PTPRT: variants seen among roughly 807,000 people sequenced by gnomAD.
The protein encoded by PTPRT is receptor-type tyrosine-protein phosphatase T.
In PTPRT, 56 loss-of-function variants were observed where a neutral mutation model predicts 176.8. That is an observed-to-expected ratio of 0.32 (90% CI 0.26 to 0.40). The LOEUF is 0.40. Ranked by LOEUF, PTPRT falls within the 10% of genes least tolerant of loss-of-function variation. The pLI is 1.00. For synonymous variants in PTPRT, 783 were observed against 739.0 expected, an observed-to-expected ratio of 1.06 and a Z score of -0.96; for missense variants, 1,540 against 1,908.2, an observed-to-expected ratio of 0.81 and a Z score of 3.60.
chr20:42,568,445 C>T (rs748897284), intron 7 of PTPRT, among the ~76,000 whole-genome samples: 2 of 152,166 alleles, frequency 1.3e-5, no homozygotes, highest in Non-Finnish European at 2.9e-5. Flanking sequence ...TACCACTGCT[C>T]ACTTCGTAAG....
At chr20:42,098,301 C>G in intron 27 of PTPRT, 120 bp downstream of exon 27, 1 of 1,395,738 alleles carries the variant, frequency 7.2e-7, no homozygotes, top group Non-Finnish European at 9.8e-7. Flanking sequence ...CCAGACACTG[C>G]TTATTACAAG....
the PTPRT span, among the ~76,000 whole-genome samples, chr20:42,034,493 A>G: frequency 6.6e-6 from 1 of 152,190 alleles, no homozygotes; most frequent in Non-Finnish European, 1.5e-5. Context: ...GTCATGGTCC[A>G]TGCTTTCCTT....
At chr20:42,688,455 TCAC>T (rs2075736844) in intron 6 of PTPRT, 1 of 152,214 alleles carries the variant, frequency 6.6e-6, no homozygotes, top group African/African-American at 2.4e-5. Context: ...CCAGGTGTGG[TCAC>T]CACTTCCTGC....
chr20:42,327,451 G>A (rs2145422404), intron 11 of PTPRT, among the ~76,000 whole-genome samples: 1 of 152,176 alleles, frequency 6.6e-6, no homozygotes, highest in Non-Finnish European at 1.5e-5. Context: ...CCAGCATTAT[G>A]TCACTTTGAA....
In PTPRT at chr20:43,079,979, C is replaced by T. The variant is rs147785882; in HGVS notation, c.88+109667G>A. Among the ~76,000 whole-genome samples, 17 of 152,276 alleles carry T rather than the reference C, an allele frequency of 1.1e-4. No individual in the cohort carries two copies. In the East Asian group the frequency reaches 3.3e-3, roughly 29 times the overall value. ...AACTAACCATAATGTTTGCAGTAGGCTTTCGGAGAAAAGCCTTTATTAGAT... is the reference window on the plus strand; with the variant it reads ...AACTAACCATAATGTTTGCAGTAGGTTTTCGGAGAAAAGCCTTTATTAGAT... On this transcript the variant is annotated intron_variant, in intron 1 of 30. Coordinates refer to ENST00000373187, the MANE Select transcript of PTPRT (RefSeq NM_007050.6).
intron 16 of PTPRT, among the ~76,000 whole-genome samples, chr20:42,169,753 CACACA>C: frequency 7.7e-6 from 1 of 130,632 alleles, no homozygotes. Flanking sequence ...AACACACACA[CACACA>C]CACACACACA....
At chr20:42,974,266 T>C (rs1201231933) in intron 1 of PTPRT, among the ~76,000 whole-genome samples, 1 of 152,104 alleles carries the variant, frequency 6.6e-6, no homozygotes, top group Admixed American at 6.5e-5. Flanking sequence ...CCATCTGAAC[T>C]CCCCAACAAC....
intron 7 of PTPRT, among the ~76,000 whole-genome samples, chr20:42,528,149 C>T (rs1036205150): frequency 1.3e-4 from 20 of 152,090 alleles, no homozygotes; most frequent in African/African-American, 3.6e-4. Context: ...TTCCAGCTCT[C>T]GGGTGTTTGC....
intron 13 of PTPRT, among the ~76,000 whole-genome samples, chr20:42,249,171 T>C (rs979594738): frequency 1.1e-4 from 16 of 152,184 alleles, no homozygotes; most frequent in African/African-American, 3.9e-4. Flanking sequence ...GATCAAACCA[T>C]GGAACACTGG....
At chr20:42,264,374 T>G (rs2146974794) in intron 13 of PTPRT, among the ~76,000 whole-genome samples, 1 of 152,306 alleles carries the variant, frequency 6.6e-6, no homozygotes, top group Non-Finnish European at 1.5e-5. Context: ...TCTGTCAAGC[T>G]TTGAGCATCT....
intron 9 of PTPRT, among the ~76,000 whole-genome samples, chr20:42,435,242 C>T (rs1332082500): frequency 6.6e-6 from 1 of 151,926 alleles, no homozygotes; most frequent in Non-Finnish European, 1.5e-5. Flanking sequence ...TTGGCACTTA[C>T]AATATAAGGC....
At chr20:43,086,196 T>C (rs1301514233) in intron 1 of PTPRT, among the ~76,000 whole-genome samples, 2 of 152,160 alleles carry the variant, frequency 1.3e-5, no homozygotes, top group Admixed American at 6.5e-5. Context: ...TAGACAGGCA[T>C]ACAAGGGCCA....
At chr20:42,470,228 A>G (rs1374732310) in intron 8 of PTPRT, among the ~76,000 whole-genome samples, 4 of 152,098 alleles carry the variant, frequency 2.6e-5, no homozygotes, top group African/African-American at 9.7e-5. Flanking sequence ...CAGAGAGACA[A>G]AAGTTACTGA....
At chr20:42,438,280 T>A (rs2059280976) in intron 9 of PTPRT, among the ~76,000 whole-genome samples, 1 of 152,234 alleles carries the variant, frequency 6.6e-6, no homozygotes, top group African/African-American at 2.4e-5. Flanking sequence ...GGGAGACTTT[T>A]GTTTTAATCC....
chr20:42,330,238 A>G (rs949778965), intron 11 of PTPRT, among the ~76,000 whole-genome samples: 1 of 152,202 alleles, frequency 6.6e-6, no homozygotes, highest in African/African-American at 2.4e-5. Flanking sequence ...TGGGAGGCTG[A>G]GGTGGGCGGA....
intron 12 of PTPRT, among the ~76,000 whole-genome samples, chr20:42,286,054 A>G (rs1218618355): frequency 2.0e-5 from 3 of 152,060 alleles, no homozygotes; most frequent in African/African-American, 4.8e-5. Flanking sequence ...CTCTACAAGA[A>G]AAACCAAAAA....
At chr20:42,247,277 C>G (rs1022471728) in intron 14 of PTPRT, among the ~76,000 whole-genome samples, 1 of 152,102 alleles carries the variant, frequency 6.6e-6, no homozygotes, top group African/African-American at 2.4e-5. Context: ...TATGGTTGAT[C>G]CAAAGCAGAA....
intron 1 of PTPRT, among the ~76,000 whole-genome samples, chr20:42,924,146 T>C (rs1600561357): frequency 6.6e-6 from 1 of 152,200 alleles, no homozygotes; most frequent in South Asian, 2.1e-4. Context: ...TTTGCTACCA[T>C]GTCCGGCCAG....
chr20:42,625,344 A>G (rs548089557), intron 7 of PTPRT, among the ~76,000 whole-genome samples: 3 of 152,336 alleles, frequency 2.0e-5, no homozygotes, highest in African/African-American at 7.2e-5. Context: ...TGAAAGAGGG[A>G]GAACGAATAA....
Sources: gnomAD v4.1 joint callset for allele counts (sites outside exome capture counted in the v4.1 genomes callset) on GRCh38, gnomAD v4.1.1 for gene constraint, MANE v1.5 for transcripts, NCBI Gene and HGNC (gene_info 2026-07-23, HGNC 2026-07-21) for gene names.